The following NUDT16L1 variants were observed in gnomAD, a reference collection of about 807,000 sequenced individuals.
NUDT16L1 encodes the protein tudor-interacting repair regulator protein.
In NUDT16L1, 19 loss-of-function variants were observed where a neutral mutation model predicts 17.3. The observed-to-expected ratio is 1.10, with a 90% CI of 0.77 to 1.61. NUDT16L1 has a LOEUF of 1.61. Ranked by LOEUF, NUDT16L1 falls within the 40% of genes most tolerant of loss-of-function variation. The probability of loss-of-function intolerance (pLI) is 0.00; values close to 1 mark genes in which losing one functional copy is unlikely to be tolerated. For synonymous variants in NUDT16L1, 255 were observed against 138.6 expected (o/e 1.84, Z -5.90); for missense variants, 341 against 292.0 (o/e 1.17, Z -1.22).
chr16:4,694,083 G>A, exon 2 of NUDT16L1: 1 of 1,591,434 alleles, frequency 6.3e-7, no homozygotes, highest in South Asian at 1.1e-5. Flanking sequence ...CCTGGGCCTG[G>A]GCTGCCTGCG....
intron 1 of NUDT16L1, 22 bp downstream of exon 1, chr16:4,693,901 G>A: frequency 5.4e-6 from 8 of 1,484,042 alleles, no homozygotes; most frequent in Non-Finnish European, 7.1e-6. Flanking sequence ...CGAGGGCGCG[G>A]GCGAGGGTGC....
At chr16:4,694,368 A>G (rs2079486519) in intron 2 of NUDT16L1, 130 bp downstream of exon 2, 1 of 1,012,842 alleles carries the variant, frequency 9.9e-7, no homozygotes. Context: ...GTCTCCAGCA[A>G]TGGGGTGGGG....
chr16:4,694,376 G>A (rs759470735), intron 2 of NUDT16L1, 138 bp downstream of exon 2: 2 of 1,483,632 alleles, frequency 1.3e-6, no homozygotes, highest in Non-Finnish European at 1.8e-6. Flanking sequence ...CAATGGGGTG[G>A]GGAGAGGGGT....
chr16:4,694,737 G>A (rs1298644112), intron 2 of NUDT16L1: 15 of 1,426,914 alleles, frequency 1.1e-5, no homozygotes, highest in Middle Eastern at 2.5e-4. Flanking sequence ...GTACGAGGGG[G>A]GGGAGTGCAT....
chr16:4,695,252 G>C (rs758995719), exon 3 of NUDT16L1: 1 of 1,466,342 alleles, frequency 6.8e-7, no homozygotes, highest in African/African-American at 1.4e-5. Flanking sequence ...GGCTTCTAGA[G>C]TGTTTGTGTG....
chr16:4,693,600 G>A (rs1232280577), upstream of NUDT16L1: 7 of 1,139,278 alleles, frequency 6.1e-6, no homozygotes, highest in Middle Eastern at 9.7e-4. Context: ...TCGGTCCCGG[G>A]GCGCGCCGGC....
chr16:4,694,832 G>A (rs2079503760), intron 2 of NUDT16L1, 126 bp from the exon 3 acceptor site: 6 of 1,458,676 alleles, frequency 4.1e-6, no homozygotes, highest in African/African-American at 1.4e-5. Flanking sequence ...CCCTGCGTGG[G>A]TCTCCCATTA....
exon 3 of NUDT16L1, chr16:4,695,133 A>C (rs2079514674): frequency 6.2e-7 from 1 of 1,613,044 alleles, no homozygotes; most frequent in Non-Finnish European, 8.5e-7. Flanking sequence ...GCAGCCACCG[A>C]GAAGCAGAAG....
chr16:4,695,196 T>C, exon 3 of NUDT16L1: 1 of 1,608,362 alleles, frequency 6.2e-7, no homozygotes, highest in Non-Finnish European at 8.5e-7. Context: ...CCTGAGCTGG[T>C]GGCACCCTCC....
rs765250549 is a variant in NUDT16L1 at position 4,693,713 on chromosome 16, G to A, written c.-14G>A. 1.5e-5 allele frequency: 22 copies of A among 1,492,958 alleles called. No homozygotes were observed. In the Admixed American group the frequency reaches 4.7e-4, roughly 32 times the overall value. The allele number at this position is 1,492,958 out of a possible 1,614,324, so 92.5% of individuals were successfully genotyped here. ...CTCTTAAGTGGCAGCGGCGGGGACG[G>A]GGTCAGTGCCAAGATGTCGACGGCG... On this transcript the variant is annotated 5_prime_UTR_variant, in exon 1 of 3. Coordinates refer to ENST00000304301, the Ensembl canonical transcript of NUDT16L1.
rs371654760 is a variant in NUDT16L1, at chr16:4,693,873, G to T, written c.147G>T (p.Ser49=). ...TCGGCCGCATCCCCATGCGCTTCTCGGTGCTGGTGAGGACGGGCGAGGGCG... is the reference window on the plus strand; with the variant it reads ...TCGGCCGCATCCCCATGCGCTTCTCTGTGCTGGTGAGGACGGGCGAGGGCG... The change falls in exon 1 of 3, where the codon TCG becomes TCT. Residue 49 remains serine (S), a synonymous_variant. Coordinates refer to ENST00000304301, the Ensembl canonical transcript of NUDT16L1. The T allele has an allele frequency of 3.9e-6, 6 of 1,540,710 alleles. No individual in the cohort carries two copies. The South Asian group carries it at 4.8e-5, about 12-fold the overall frequency.
exon 3 of NUDT16L1, chr16:4,695,386 G>T: frequency 1.6e-6 from 1 of 606,630 alleles, no homozygotes; most frequent in Non-Finnish European, 2.9e-6. Flanking sequence ...AGAGCAGGGT[G>T]GTCCGGGCAC....
chr16:4,695,748 C>A (rs1374590764), exon 3 of NUDT16L1: 6 of 398,000 alleles, frequency 1.5e-5, no homozygotes. Context: ...CTTCACCCCA[C>A]GTGGCTTGGT....
At chr16:4,695,494 G>A in exon 3 of NUDT16L1, 1 of 556,310 alleles carries the variant, frequency 1.8e-6, no homozygotes, top group Non-Finnish European at 3.2e-6. Context: ...ACCCAGGAGT[G>A]CCTGATTGTC....
exon 3 of NUDT16L1, chr16:4,695,029 C>G: frequency 6.2e-7 from 1 of 1,613,374 alleles, no homozygotes; most frequent in Non-Finnish European, 8.5e-7. Flanking sequence ...ACTTCCTGAG[C>G]AACGCCTTCG....
chr16:4,694,515 G>A, intron 2 of NUDT16L1: 1 of 1,498,796 alleles, frequency 6.7e-7, no homozygotes, highest in Non-Finnish European at 8.9e-7. Flanking sequence ...GGGATCGGTG[G>A]GGAGGAAGGG....
exon 3 of NUDT16L1, chr16:4,695,398 C>A (rs904966134): frequency 3.3e-6 from 2 of 598,548 alleles, no homozygotes; most frequent in Non-Finnish European, 5.9e-6. Flanking sequence ...TCCGGGCACA[C>A]TGGGCCTGCC....
At chr16:4,695,128 C>T in exon 3 of NUDT16L1, 1 of 1,613,286 alleles carries the variant, frequency 6.2e-7, no homozygotes, top group Non-Finnish European at 8.5e-7. Flanking sequence ...TGGCTGCAGC[C>T]ACCGAGAAGC....
At chr16:4,693,622 G>GA, upstream of NUDT16L1, 1 of 1,259,882 alleles carries the variant, frequency 7.9e-7, no homozygotes, top group Non-Finnish European at 1.0e-6. Context: ...ATTGGCGGGG[G>GA]AACCGGACCC....
Sources: gnomAD v4.1 joint callset for allele counts on GRCh38, gnomAD v4.1.1 for gene constraint, MANE v1.5 for transcripts, NCBI Gene and HGNC (gene_info 2026-07-23, HGNC 2026-07-21) for gene names.